Variants in UNC13C observed in about 807,000 individuals in gnomAD.
The protein encoded by UNC13C is unc-13 homolog C.
UNC13C carries 174 observed loss-of-function variants against 245.4 expected under a neutral mutation model. The observed-to-expected ratio is 0.71, with a 90% confidence interval of 0.63 to 0.80. The LOEUF is 0.80. UNC13C is among the 30% of genes least tolerant of loss of function. UNC13C has a pLI of 0.00. For missense variants in UNC13C, 2,829 were observed against 2,602.9 expected, an observed-to-expected ratio of 1.09 and a Z score of -1.89; for synonymous variants, 992 against 895.1, an observed-to-expected ratio of 1.11 and a Z score of -1.93.
At chr15:54,106,075 T>C (rs1381569522) in intron 2 of UNC13C, among the ~76,000 whole-genome samples, 1 of 152,226 alleles carries the variant, frequency 6.6e-6, no homozygotes, top group African/African-American at 2.4e-5. Context: ...GTAGTTGTAG[T>C]GAGTCCTGAT....
intron 4 of UNC13C, among the ~76,000 whole-genome samples, chr15:54,146,194 A>G (rs1046538852): frequency 2.6e-5 from 4 of 152,312 alleles, no homozygotes; most frequent in East Asian, 1.9e-4. Flanking sequence ...ATGAAATACT[A>G]TTTAAATATC....
intron 30 of UNC13C, among the ~76,000 whole-genome samples, chr15:54,613,226 A>T (rs1026271274): frequency 2.0e-5 from 3 of 151,976 alleles, no homozygotes; most frequent in African/African-American, 7.2e-5. Flanking sequence ...AACAGTATAC[A>T]TACAAATGTA....
intron 2 of UNC13C, among the ~76,000 whole-genome samples, chr15:54,022,402 G>C (rs1246756624): frequency 6.6e-6 from 1 of 151,754 alleles, no homozygotes; most frequent in Non-Finnish European, 1.5e-5. Context: ...CAAACTTCAG[G>C]GATCAAGAGA....
chr15:53,917,839 C>G, the UNC13C span, among the ~76,000 whole-genome samples: 1 of 152,118 alleles, frequency 6.6e-6, no homozygotes, highest in Admixed American at 6.5e-5. Flanking sequence ...AGAAACGGCA[C>G]TTTTTATTTT....
chr15:54,372,779 A>G (rs1422344135), intron 17 of UNC13C, among the ~76,000 whole-genome samples: 1 of 152,224 alleles, frequency 6.6e-6, no homozygotes, highest in African/African-American at 2.4e-5. Context: ...GAATGCTCTA[A>G]AGCAGTGCTG....
At chr15:54,236,344 C>T in intron 5 of UNC13C, 86 bp from the exon 6 acceptor site, 2 of 1,031,212 alleles carry the variant, frequency 1.9e-6, no homozygotes, top group South Asian at 1.4e-5. Flanking sequence ...AAGTGTTAGG[C>T]TAATTTAACA....
At chr15:54,212,813 T>C (rs1219591281) in intron 4 of UNC13C, among the ~76,000 whole-genome samples, 1 of 152,088 alleles carries the variant, frequency 6.6e-6, no homozygotes, top group Non-Finnish European at 1.5e-5. Flanking sequence ...ACCTTTTGGT[T>C]GGGTGTCTGT....
At chr15:54,500,239 C>T (rs1320243900) in intron 21 of UNC13C, 64 bp downstream of exon 21, 1 of 1,181,080 alleles carries the variant, frequency 8.5e-7, no homozygotes, top group East Asian at 2.5e-5. Flanking sequence ...TACTTTTAAC[C>T]TAATGGGAAT....
chr15:54,026,996 C>T (rs1896138223), intron 2 of UNC13C, among the ~76,000 whole-genome samples: 1 of 151,968 alleles, frequency 6.6e-6, no homozygotes, highest in Non-Finnish European at 1.5e-5. Flanking sequence ...TAAGAGAGCA[C>T]ATTACAGCTT....
At chr15:53,883,330 G>T in the UNC13C span, among the ~76,000 whole-genome samples, 1 of 152,184 alleles carries the variant, frequency 6.6e-6, no homozygotes, top group South Asian at 2.1e-4. Flanking sequence ...ATCAAATACT[G>T]TTGCTGTTTG....
At chr15:54,400,884 A>G (rs472203) in intron 18 of UNC13C, among the ~76,000 whole-genome samples, 33,745 of 152,102 alleles carry the variant, frequency 0.22, 4,808 homozygotes, top group Non-Finnish European at 0.31. Flanking sequence ...ATGTCTCCTA[A>G]TGTTAAGAAA....
At chr15:53,962,634 T>A in the UNC13C span, among the ~76,000 whole-genome samples, 1 of 152,182 alleles carries the variant, frequency 6.6e-6, no homozygotes, top group East Asian at 1.9e-4. Context: ...GACAAACTTA[T>A]AAGATGCTGA....
chr15:53,976,840 A>G (rs1248233202), upstream of UNC13C: 1 of 152,220 alleles, frequency 6.6e-6, no homozygotes, highest in Non-Finnish European at 1.5e-5. Flanking sequence ...CACACCAAAA[A>G]GTGAAAACAG....
At chr15:53,959,499 T>C in the UNC13C span, among the ~76,000 whole-genome samples, 1 of 152,156 alleles carries the variant, frequency 6.6e-6, no homozygotes, top group Non-Finnish European at 1.5e-5. Flanking sequence ...GCCTGTCTTA[T>C]TTCTTATCCT....
intron 2 of UNC13C, among the ~76,000 whole-genome samples, chr15:54,086,737 C>CTTTTTTTTTTTCTTTTTTTTTTT (rs1899261932): frequency 2.2e-5 from 2 of 92,008 alleles, no homozygotes; most frequent in Non-Finnish European, 4.2e-5. Flanking sequence ...TATTTTCTTT[C>CTTTTTTTTTTTCTTTTTTTTTTT]TTTTTTTTTT....
intron 14 of UNC13C, among the ~76,000 whole-genome samples, chr15:54,323,806 A>G (rs1193268031): frequency 1.3e-5 from 2 of 152,076 alleles, no homozygotes; most frequent in African/African-American, 4.8e-5. Context: ...ATGCTGCACT[A>G]TGAAATTGTT....
chr15:54,501,365 G>A (rs1894202897), intron 22 of UNC13C, among the ~76,000 whole-genome samples: 1 of 152,080 alleles, frequency 6.6e-6, no homozygotes, highest in Non-Finnish European at 1.5e-5. Context: ...TGAACTTGGA[G>A]CCATGAAAAC....
chr15:53,965,246 T>C, the UNC13C span, among the ~76,000 whole-genome samples: 1 of 152,156 alleles, frequency 6.6e-6, no homozygotes, highest in Non-Finnish European at 1.5e-5. Flanking sequence ...TCAGTGATTA[T>C]CAACCCATGA....
At chr15:54,083,839 A>G (rs1899089571) in intron 2 of UNC13C, among the ~76,000 whole-genome samples, 1 of 152,156 alleles carries the variant, frequency 6.6e-6, no homozygotes, top group African/African-American at 2.4e-5. Context: ...TTGGGGGCAG[A>G]GATTTCCCAG....
Sources: allele counts gnomAD v4.1 joint callset (sites outside exome capture counted in the v4.1 genomes callset), GRCh38; gene constraint gnomAD v4.1.1; transcripts MANE v1.5; gene names NCBI Gene and HGNC (gene_info 2026-07-23, HGNC 2026-07-21).